RAB3GAP1: variants seen among roughly 807,000 people sequenced by gnomAD.
The protein encoded by RAB3GAP1 is rab3 GTPase-activating protein catalytic subunit.
In RAB3GAP1, 86 loss-of-function variants were observed where a neutral mutation model predicts 130.7. That is an observed-to-expected ratio of 0.66 (90% confidence interval 0.55 to 0.79). RAB3GAP1 has a LOEUF of 0.79. RAB3GAP1 is among the 30% of genes least tolerant of loss of function. RAB3GAP1 has a pLI of 0.00. For missense variants in RAB3GAP1, 1,029 were observed against 1,169.4 expected (o/e 0.88, Z 1.75); for synonymous variants, 367 against 401.7 (o/e 0.91, Z 1.03).
At chr2:135,122,183 A>G (rs1016558507) in intron 8 of RAB3GAP1, among the ~76,000 whole-genome samples, 8 of 152,196 alleles carry the variant, frequency 5.3e-5, no homozygotes, top group African/African-American at 1.9e-4. Context: ...ACCACAAAAT[A>G]ATTTTCAACT....
At chr2:135,118,853 C>A (rs1027796691) in intron 7 of RAB3GAP1, among the ~76,000 whole-genome samples, 3 of 151,846 alleles carry the variant, frequency 2.0e-5, no homozygotes, top group Admixed American at 6.6e-5. Context: ...CCCATACCTT[C>A]CGATAAAGCC....
intron 22 of RAB3GAP1, 113 bp from the exon 23 acceptor site, chr2:135,164,480 GT>G (rs1692570512): frequency 1.3e-6 from 1 of 780,216 alleles, no homozygotes; most frequent in Admixed American, 2.0e-5. Context: ...ACCTTGTTGG[GT>G]TTAGCCAGTA....
rs948638864 is a variant in RAB3GAP1 at position 135,093,962 on chromosome 2, A to G, written c.362+269A>G. ...TTCCCTCAGCAACAAATTGTGACAA[A>G]GTATGTGAAACATTGTCTATCAGGG... On this transcript the variant is annotated intron_variant, in intron 5 of 23. Coordinates refer to ENST00000264158, the MANE Select transcript of RAB3GAP1 (RefSeq NM_012233.3). Among the ~76,000 whole-genome samples, 5 of 152,318 alleles carry G rather than the reference A, an allele frequency of 3.3e-5. No homozygotes were observed. In the South Asian group the frequency reaches 1.0e-3, roughly 32 times the overall value.
chr2:135,126,304 C>A, intron 10 of RAB3GAP1, 55 bp downstream of exon 10: 1 of 1,305,928 alleles, frequency 7.7e-7, no homozygotes, highest in Non-Finnish European at 1.1e-6. Flanking sequence ...AGTAGAATAA[C>A]TCTCAAATTG....
At chr2:135,086,550 C>T (rs1311238873) in intron 3 of RAB3GAP1, among the ~76,000 whole-genome samples, 1 of 151,112 alleles carries the variant, frequency 6.6e-6, no homozygotes, top group Admixed American at 6.6e-5. Flanking sequence ...TTCTTTTGCT[C>T]ATTAAAAAAT....
rs141856311 is a variant in RAB3GAP1 at position 135,099,431 on chromosome 2, C to CTGTG, written c.362+5770_362+5773dup. On this transcript the variant is annotated intron_variant, in intron 5 of 23. Transcript: ENST00000264158. ...CTTCTTTGTGGTGCAATTTGTATTTCTGTGTGTGTGTGTGTGTGTGTGTGT... is the reference window on the plus strand; with the variant it reads ...CTTCTTTGTGGTGCAATTTGTATTTCTGTGTGTGTGTGTGTGTGTGTGTGTGTGT... Among the ~76,000 whole-genome samples, 556 of 142,588 alleles carry CTGTG rather than the reference C, an allele frequency of 3.9e-3. 7 individuals are homozygous for CTGTG. Among genetic ancestry groups the CTGTG allele is most frequent in the East Asian group, 0.028 (139 of 4,916 alleles). The allele number at this position is 142,588 out of a possible 152,430, so 93.5% of individuals were successfully genotyped here.
intron 3 of RAB3GAP1, among the ~76,000 whole-genome samples, chr2:135,085,828 T>C (rs6740270): frequency 0.027 from 4,113 of 152,280 alleles, 165 homozygotes; most frequent in African/African-American, 0.092. Context: ...ACAGAACTCA[T>C]GTATGTAATT....
intron 16 of RAB3GAP1, 111 bp from the exon 17 acceptor site, chr2:135,135,453 A>G (rs1364804245): frequency 9.6e-6 from 14 of 1,452,568 alleles, no homozygotes; most frequent in Admixed American, 1.8e-5. Context: ...AGTCACTGCA[A>G]TTCACAAGGT....
At chr2:135,128,758 T>C (rs917678467) in intron 11 of RAB3GAP1, among the ~76,000 whole-genome samples, 1 of 152,252 alleles carries the variant, frequency 6.6e-6, no homozygotes, top group Non-Finnish European at 1.5e-5. Context: ...TTAGATGTAC[T>C]TGATGTATCT....
intron 3 of RAB3GAP1, among the ~76,000 whole-genome samples, chr2:135,063,490 C>A (rs1285786569): frequency 6.6e-6 from 1 of 152,164 alleles, no homozygotes; most frequent in Non-Finnish European, 1.5e-5. Flanking sequence ...CACCCTCAGT[C>A]CCCTGGTAAC....
At position 135,099,987 on chromosome 2, in the gene RAB3GAP1, T is replaced by A. The variant is rs1424725809; in HGVS notation, c.362+6294T>A. ...GGCCTCGTAAGCAGAGGCACAGTTA[T>A]GGATGATGATATCTGAGTGATATTG... On this transcript the variant is annotated intron_variant, in intron 5 of 23. Coordinates refer to ENST00000264158, the MANE Select transcript of RAB3GAP1 (RefSeq NM_012233.3). Among the ~76,000 whole-genome samples, 3 of 152,094 alleles carry A rather than the reference T, an allele frequency of 2.0e-5. No homozygotes were observed. The East Asian group carries it at 5.8e-4, about 29-fold the overall frequency.
At position 135,072,174 on chromosome 2, in the gene RAB3GAP1, G is replaced by A. The variant is rs367728071; in HGVS notation, c.150+14088G>A. On this transcript the variant is annotated intron_variant, in intron 3 of 23. Coordinates refer to ENST00000264158, the MANE Select transcript of RAB3GAP1 (RefSeq NM_012233.3). ...GATCCTCCTACCTCAGCCTCCCAAA[G>A]TGCTGGGATTATAGGCATGAGCCAC... Among the ~76,000 whole-genome samples, 32 of 152,256 alleles carry A rather than the reference G, an allele frequency of 2.1e-4. No individual in the cohort carries two copies. In the South Asian group the frequency reaches 5.6e-3, roughly 27 times the overall value.
At chr2:135,096,258 T>C (rs986895551) in intron 5 of RAB3GAP1, among the ~76,000 whole-genome samples, 1 of 152,234 alleles carries the variant, frequency 6.6e-6, no homozygotes, top group Non-Finnish European at 1.5e-5. Flanking sequence ...GAAATTATTC[T>C]ATTGTTATCA....
At chr2:135,112,815 GTC>G (rs377254626) in intron 5 of RAB3GAP1, among the ~76,000 whole-genome samples, 207 of 146,942 alleles carry the variant, frequency 1.4e-3, no homozygotes, top group Admixed American at 1.7e-3. Flanking sequence ...AACTGTCAAA[GTC>G]TCTCTCTCTC....
At chr2:135,059,397 A>G (rs1290922335) in intron 3 of RAB3GAP1, among the ~76,000 whole-genome samples, 1 of 152,164 alleles carries the variant, frequency 6.6e-6, no homozygotes. Flanking sequence ...AGTACCTGCT[A>G]TGTGCCTGAT....
At chr2:135,097,075 A>T (rs1690317996) in intron 5 of RAB3GAP1, among the ~76,000 whole-genome samples, 1 of 152,066 alleles carries the variant, frequency 6.6e-6, no homozygotes, top group African/African-American at 2.4e-5. Context: ...AGTTCTCTGA[A>T]CTTCAACACT....
chr2:135,097,145 C>T (rs1474727641), intron 5 of RAB3GAP1, among the ~76,000 whole-genome samples: 1 of 151,340 alleles, frequency 6.6e-6, no homozygotes, highest in Non-Finnish European at 1.5e-5. Context: ...AACACCCCCT[C>T]ACCTCTGCTG....
intron 3 of RAB3GAP1, among the ~76,000 whole-genome samples, chr2:135,076,040 A>G (rs947610216): frequency 6.0e-5 from 9 of 150,862 alleles, no homozygotes; most frequent in Non-Finnish European, 1.3e-4. Flanking sequence ...CCTCCTGAGT[A>G]GCTGGGATTA....
At chr2:135,155,677 TGAG>T (rs1341395816) in intron 19 of RAB3GAP1, among the ~76,000 whole-genome samples, 2 of 151,974 alleles carry the variant, frequency 1.3e-5, no homozygotes, top group Non-Finnish European at 2.9e-5. Flanking sequence ...TGAAAAACAA[TGAG>T]GATGAAAACA....
Sources: gnomAD v4.1 joint callset for allele counts (sites outside exome capture counted in the v4.1 genomes callset) on GRCh38, gnomAD v4.1.1 for gene constraint, MANE v1.5 for transcripts, NCBI Gene and HGNC (gene_info 2026-07-23, HGNC 2026-07-21) for gene names.